The following GFRA1 variants were observed in gnomAD, a reference collection of about 807,000 sequenced individuals.
GFRA1 encodes the protein GDNF family receptor alpha 1.
A neutral mutation model predicts 51.6 loss-of-function variants in GFRA1; 16 were observed. The ratio of observed to expected loss-of-function variants is 0.31; its 90% CI spans 0.21 to 0.47. The LOEUF (loss-of-function observed/expected upper bound fraction) is 0.47, where lower values mean the gene tolerates loss of function less well. GFRA1 is among the 20% of genes least tolerant of loss of function. The pLI is 1.00. For missense variants in GFRA1, 530 were observed against 594.3 expected (o/e 0.89, Z 1.13); for synonymous variants, 270 against 241.3 (o/e 1.12, Z -1.10).
At chr10:116,218,268 T>C (rs1965696662) in intron 4 of GFRA1, among the ~76,000 whole-genome samples, 1 of 152,148 alleles carries the variant, frequency 6.6e-6, no homozygotes, top group African/African-American at 2.4e-5. Context: ...GGGGCTCAGC[T>C]AGCCCTTTCC....
At chr10:116,089,956 G>A (rs1371998916) in intron 8 of GFRA1, 34 bp from the exon 9 acceptor site, 1 of 1,577,550 alleles carries the variant, frequency 6.3e-7, no homozygotes, top group Admixed American at 1.8e-5. Context: ...CAATTTCAAA[G>A]TCAAGCAGCA....
At chr10:116,227,721 T>C (rs1966397394) in intron 4 of GFRA1, among the ~76,000 whole-genome samples, 1 of 152,248 alleles carries the variant, frequency 6.6e-6, no homozygotes, top group Non-Finnish European at 1.5e-5. Context: ...TCTTAATCTC[T>C]TCTGGACACA....
intron 6 of GFRA1, among the ~76,000 whole-genome samples, chr10:116,097,023 A>AG (rs1357068721): frequency 6.6e-6 from 1 of 152,140 alleles, no homozygotes; most frequent in African/African-American, 2.4e-5. Flanking sequence ...TTCAGAGAGA[A>AG]GTCTTCAGGG....
intron 9 of GFRA1, among the ~76,000 whole-genome samples, chr10:116,079,629 C>T (rs2133828462): frequency 6.6e-6 from 1 of 152,222 alleles, no homozygotes; most frequent in African/African-American, 2.4e-5. Context: ...CTACTGGTAT[C>T]CGGACGGTAG....
At chr10:116,166,780 C>CTTTTT (rs530399969) in intron 5 of GFRA1, among the ~76,000 whole-genome samples, 53 of 76,444 alleles carry the variant, frequency 6.9e-4, no homozygotes, top group African/African-American at 1.7e-3. Context: ...CAACAATCTT[C>CTTTTT]TTTTTTTTTT....
chr10:116,100,945 G>T (rs1252675137), intron 6 of GFRA1, among the ~76,000 whole-genome samples: 1 of 152,218 alleles, frequency 6.6e-6, no homozygotes, highest in Non-Finnish European at 1.5e-5. Flanking sequence ...CAGACAGTGG[G>T]GCCCTGGTGG....
At chr10:116,198,065 A>G (rs73372452) in intron 5 of GFRA1, among the ~76,000 whole-genome samples, 16,264 of 152,166 alleles carry the variant, frequency 0.11, 2,764 homozygotes, top group African/African-American at 0.37. Flanking sequence ...CCTCTGCAAG[A>G]GCTAAAAGGG....
chr10:116,193,082 G>A (rs1963415663), intron 5 of GFRA1, among the ~76,000 whole-genome samples: 1 of 152,052 alleles, frequency 6.6e-6, no homozygotes, highest in Admixed American at 6.6e-5. Context: ...GTATTTGTCA[G>A]GCTAATTTTC....
At chr10:116,109,878 C>G (rs1323225408) in intron 6 of GFRA1, among the ~76,000 whole-genome samples, 1 of 152,146 alleles carries the variant, frequency 6.6e-6, no homozygotes, top group Non-Finnish European at 1.5e-5. Context: ...GGTGTCTGGT[C>G]TCTCTGCATC....
chr10:116,064,599 G>A, intron 10 of GFRA1, 55 bp from the exon 11 acceptor site: 1 of 1,509,330 alleles, frequency 6.6e-7, no homozygotes, highest in Non-Finnish European at 9.2e-7. Flanking sequence ...TTCTACCACA[G>A]TATACTTTAC....
intron 5 of GFRA1, among the ~76,000 whole-genome samples, chr10:116,200,626 G>A (rs1408854918): frequency 6.6e-6 from 1 of 152,204 alleles, no homozygotes; most frequent in Non-Finnish European, 1.5e-5. Context: ...ACGGGGTGGG[G>A]ATCTTGGTGA....
rs945784642 is a variant in GFRA1, at chr10:116,083,291, A to G, written c.1197+6450T>C. On this transcript the variant is annotated intron_variant, in intron 9 of 10. Transcript: ENST00000355422. ...TCCCGGAGCCAGGAGTCTGGTGTGG[A>G]AATAAGCACCTCTCTTTCCTCGCTT... Among the ~76,000 whole-genome samples, 38 of 152,252 alleles carry G rather than the reference A, an allele frequency of 2.5e-4. No homozygotes were observed. The South Asian group carries it at 2.7e-3, about 11-fold the overall frequency.
intron 5 of GFRA1, among the ~76,000 whole-genome samples, chr10:116,189,508 T>C (rs754140789): frequency 3.9e-5 from 6 of 152,194 alleles, no homozygotes; most frequent in Admixed American, 1.3e-4. Flanking sequence ...TCCAAACACG[T>C]TTCACACTTT....
At chr10:116,186,715 C>T (rs528447324) in intron 5 of GFRA1, among the ~76,000 whole-genome samples, 2 of 152,060 alleles carry the variant, frequency 1.3e-5, no homozygotes, top group African/African-American at 2.4e-5. Context: ...TAATTAATCA[C>T]AAGCAAACTC....
intron 5 of GFRA1, among the ~76,000 whole-genome samples, chr10:116,151,313 A>G (rs1416510801): frequency 2.0e-5 from 3 of 152,180 alleles, no homozygotes; most frequent in Non-Finnish European, 4.4e-5. Context: ...CCAGTGACTA[A>G]GAAACATTCC....
intron 5 of GFRA1, among the ~76,000 whole-genome samples, chr10:116,200,618 G>T (rs949598421): frequency 6.6e-6 from 1 of 152,182 alleles, no homozygotes; most frequent in African/African-American, 2.4e-5. Flanking sequence ...TGGTGCCAAC[G>T]GGGTGGGGAT....
chr10:116,155,584 C>T (rs1959184308), intron 5 of GFRA1, among the ~76,000 whole-genome samples: 1 of 152,312 alleles, frequency 6.6e-6, no homozygotes, highest in African/African-American at 2.4e-5. Context: ...CCACAAAATT[C>T]ACCAATTTTT....
chr10:116,070,759 C>CTTTTTTTT (rs773344299), intron 9 of GFRA1, among the ~76,000 whole-genome samples: 16 of 97,710 alleles, frequency 1.6e-4, no homozygotes, highest in African/African-American at 4.7e-4. Context: ...AGTCTGGAGC[C>CTTTTTTTT]TTTTTTTTTT....
rs572083467 is a variant in GFRA1 at position 116,090,059 on chromosome 10, T to C, written c.1016-137A>G. 2.6e-5 allele frequency: 21 copies of C among 821,534 alleles called. No homozygotes were observed. The South Asian group carries it at 3.0e-4, about 12-fold the overall frequency. 50.9% of individuals were successfully genotyped at this position (821,534 alleles called of 1,614,324 possible). A position where few individuals can be genotyped will look rare whatever the true frequency, so the allele number is the denominator to read the frequency against. ...CTCTGAACAAAACGCATCCATCCAT[T>C]TGCCCTATACATGCTGAGAGCCAGT... On this transcript the variant is annotated intron_variant, in intron 8 of 10. Coordinates refer to ENST00000355422, the MANE Select transcript of GFRA1 (RefSeq NM_005264.8).
Sources: gnomAD v4.1 joint callset for allele counts (sites outside exome capture counted in the v4.1 genomes callset) on GRCh38, gnomAD v4.1.1 for gene constraint, MANE v1.5 for transcripts, NCBI Gene and HGNC (gene_info 2026-07-23, HGNC 2026-07-21) for gene names.